The following RIMS1 variants were observed in gnomAD, a reference collection of about 807,000 sequenced individuals.
The protein encoded by RIMS1 is regulating synaptic membrane exocytosis 1.
Under a neutral mutation model 214.1 loss-of-function variants are expected in RIMS1, and 83 were observed. The ratio of observed to expected loss-of-function variants is 0.39; its 90% CI spans 0.32 to 0.47. The LOEUF is 0.47. RIMS1 is among the 20% of genes least tolerant of loss of function. RIMS1 has a pLI of 0.99. For synonymous variants in RIMS1, 793 were observed against 786.8 expected, an observed-to-expected ratio of 1.01 and a Z score of -0.13; for missense variants, 2,050 against 2,161.8, an observed-to-expected ratio of 0.95 and a Z score of 1.03.
intron 4 of RIMS1, among the ~76,000 whole-genome samples, chr6:72,129,812 G>A (rs2040164601): frequency 6.6e-6 from 1 of 151,872 alleles, no homozygotes; most frequent in African/African-American, 2.4e-5. Flanking sequence ...ATTACTTTAG[G>A]GCTGCCTGAC....
chr6:72,261,615 T>C, intron 19 of RIMS1: 1 of 984,844 alleles, frequency 1.0e-6, no homozygotes, highest in Non-Finnish European at 1.2e-6. Flanking sequence ...ATAATCGAAC[T>C]CAAATATTTT....
At chr6:72,085,682 T>A (rs952505499) in intron 2 of RIMS1, among the ~76,000 whole-genome samples, 18 of 152,230 alleles carry the variant, frequency 1.2e-4, no homozygotes, top group Non-Finnish European at 1.9e-4. Flanking sequence ...AAAAGCTCCT[T>A]CCTGGAATTT....
intron 29 of RIMS1, chr6:72,366,882 T>A (rs1226429562): frequency 6.1e-6 from 6 of 976,362 alleles, no homozygotes; most frequent in African/African-American, 1.8e-5. Flanking sequence ...TCTATGTTCC[T>A]TATATGTATT....
Position 72,182,284 on chromosome 6 carries a change from A to T in RIMS1, c.813A>T (p.Arg271Ser), listed in dbSNP as rs774068912. 6.4e-7 allele frequency: 1 copy of T among 1,567,238 alleles called. No individual in the cohort carries two copies. The highest frequency in any genetic ancestry group is 1.4e-5 in the African/African-American group (1 of 72,440). ...SRSRSEPPRERKKTPGLSEQN... is the reference protein window; with the variant it reads ...SRSRSEPPRESKKTPGLSEQN... ...CTTGACGTTCCTTTGTATATCATAG[A>T]AAGAAGACCCCAGGGCTTTCCGAGC... is the stretch of plus-strand genomic sequence containing the variant. The change falls in exon 6 of 34, where the codon AGA becomes AGT. Residue 271 changes from arginine to serine, a missense_variant and splice_region_variant. By Grantham distance (110) the Arg-to-Ser change is moderately radical (BLOSUM62 -1). This residue lies in a region of RIMS1 where 882 missense variants were observed against 828.9 expected (regional missense o/e 1.06). Coordinates refer to ENST00000521978, the MANE Select transcript of RIMS1 (RefSeq NM_014989.7).
At chr6:71,946,790 G>T (rs1198129387) in intron 1 of RIMS1, among the ~76,000 whole-genome samples, 1 of 152,002 alleles carries the variant, frequency 6.6e-6, no homozygotes, top group African/African-American at 2.4e-5. Flanking sequence ...AGACAAGTGG[G>T]ATGATATCAA....
At chr6:71,944,887 A>G (rs775331567) in intron 1 of RIMS1, among the ~76,000 whole-genome samples, 2 of 152,220 alleles carry the variant, frequency 1.3e-5, no homozygotes, top group African/African-American at 2.4e-5. Flanking sequence ...TGAATTATTT[A>G]GACATTGCGT....
chr6:72,166,304 T>TG (rs2046257653), intron 4 of RIMS1, among the ~76,000 whole-genome samples: 3 of 151,162 alleles, frequency 2.0e-5, no homozygotes, highest in East Asian at 1.9e-4. Context: ...GTGTCTGTTT[T>TG]TTTTTTTTTT....
At chr6:72,286,982 C>T (rs2092443428) in intron 24 of RIMS1, among the ~76,000 whole-genome samples, 1 of 152,120 alleles carries the variant, frequency 6.6e-6, no homozygotes, top group Non-Finnish European at 1.5e-5. Context: ...TTTTTTGTGT[C>T]AAGCCACTTA....
intron 6 of RIMS1, among the ~76,000 whole-genome samples, chr6:72,199,988 T>C (rs1038007104): frequency 6.6e-5 from 10 of 152,104 alleles, no homozygotes; most frequent in African/African-American, 2.4e-4. Flanking sequence ...ACTATAGTTA[T>C]GCATGGGAAG....
At chr6:72,375,422 CTTTT>C (rs113493471) in intron 29 of RIMS1, among the ~76,000 whole-genome samples, 1 of 151,358 alleles carries the variant, frequency 6.6e-6, no homozygotes. Context: ...AAATATATAA[CTTTT>C]TTTTTAAGTT....
At chr6:72,207,765 A>G (rs920399695) in intron 6 of RIMS1, among the ~76,000 whole-genome samples, 1 of 152,100 alleles carries the variant, frequency 6.6e-6, no homozygotes, top group African/African-American at 2.4e-5. Context: ...AAACAAACAA[A>G]CAAACAAACA....
At chr6:72,378,396 A>G (rs985408106) in intron 29 of RIMS1, among the ~76,000 whole-genome samples, 15 of 152,370 alleles carry the variant, frequency 9.8e-5, no homozygotes, top group African/African-American at 2.9e-4. Flanking sequence ...TTTACAGAAT[A>G]TAGAAAACAC....
At chr6:71,910,405 G>T (rs1255232835) in intron 1 of RIMS1, among the ~76,000 whole-genome samples, 1 of 152,058 alleles carries the variant, frequency 6.6e-6, no homozygotes, top group African/African-American at 2.4e-5. Flanking sequence ...CTGACTATGG[G>T]ATCCCTGGGC....
In RIMS1 at chr6:72,141,359, A is replaced by T. The variant is rs75961561; in HGVS notation, c.472-38216A>T. Among the ~76,000 whole-genome samples the T allele has an allele frequency of 5.5e-3, 835 of 152,120 alleles. 5 individuals carry two copies. The highest frequency in any genetic ancestry group is 0.02 in the Middle Eastern group (6 of 294). Reference sequence around the variant, plus strand: ...GAACTTTTAATGCTATTAAATTTCCAAATTCCCTCCTCCCCCTCAAAAAAA... The same window carrying T: ...GAACTTTTAATGCTATTAAATTTCCTAATTCCCTCCTCCCCCTCAAAAAAA... On this transcript the variant is annotated intron_variant, in intron 4 of 33. Coordinates refer to ENST00000521978, the MANE Select transcript of RIMS1 (RefSeq NM_014989.7).
intron 16 of RIMS1, among the ~76,000 whole-genome samples, chr6:72,256,212 G>T (rs2075789118): frequency 6.6e-6 from 1 of 151,798 alleles, no homozygotes; most frequent in Non-Finnish European, 1.5e-5. Flanking sequence ...TTTATTTAAG[G>T]TCATTCACTA....
chr6:71,937,718 G>A (rs1419439355), intron 1 of RIMS1, among the ~76,000 whole-genome samples: 1 of 152,114 alleles, frequency 6.6e-6, no homozygotes, highest in Non-Finnish European at 1.5e-5. Context: ...CATTCATGAG[G>A]ACAGAGCCTA....
intron 29 of RIMS1, among the ~76,000 whole-genome samples, chr6:72,343,904 T>C (rs928983836): frequency 2.0e-5 from 3 of 151,762 alleles, no homozygotes; most frequent in Non-Finnish European, 4.4e-5. Flanking sequence ...TGAAATCATA[T>C]ATAGAAACTA....
At chr6:72,350,687 A>C (rs1332440433) in intron 29 of RIMS1, among the ~76,000 whole-genome samples, 1 of 152,070 alleles carries the variant, frequency 6.6e-6, no homozygotes, top group Middle Eastern at 3.2e-3. Context: ...GGCACTGAGC[A>C]CTCTTTATGG....
intron 29 of RIMS1, among the ~76,000 whole-genome samples, chr6:72,384,348 C>A (rs2098548757): frequency 6.6e-6 from 1 of 152,158 alleles, no homozygotes; most frequent in Admixed American, 6.5e-5. Context: ...ATTCCCTCTT[C>A]TGACTGGCCA....
Sources: allele counts gnomAD v4.1 joint callset (sites outside exome capture counted in the v4.1 genomes callset), GRCh38; gene constraint gnomAD v4.1.1; regional missense constraint gnomAD v4.1.1; transcripts MANE v1.5; gene names NCBI Gene and HGNC (gene_info 2026-07-23, HGNC 2026-07-21).